The following SH3PXD2A variants were observed in gnomAD, a reference collection of about 807,000 sequenced individuals.
SH3PXD2A encodes SH3 and PX domain-containing protein 2A.
A neutral mutation model predicts 115.2 loss-of-function variants in SH3PXD2A; 32 were observed. The observed-to-expected ratio is 0.28, with a 90% CI of 0.21 to 0.37. SH3PXD2A has a LOEUF of 0.37. Ranked by LOEUF, SH3PXD2A falls within the 10% of genes least tolerant of loss-of-function variation. The pLI, the probability that SH3PXD2A is intolerant of heterozygous loss-of-function variation, is 1.00. For synonymous variants in SH3PXD2A, 610 were observed against 629.1 expected, an observed-to-expected ratio of 0.97 and a Z score of 0.45; for missense variants, 1,328 against 1,498.7, an observed-to-expected ratio of 0.89 and a Z score of 1.88.
At chr10:103,761,249 G>C (rs992269809) in intron 3 of SH3PXD2A, among the ~76,000 whole-genome samples, 5 of 152,240 alleles carry the variant, frequency 3.3e-5, no homozygotes, top group African/African-American at 4.8e-5. Context: ...GTTACCATTG[G>C]GGGGAAGTGA....
At chr10:103,789,530 TACACACAC>T (rs72505791) in intron 2 of SH3PXD2A, among the ~76,000 whole-genome samples, 5 of 145,208 alleles carry the variant, frequency 3.4e-5, no homozygotes, top group East Asian at 4.0e-4. Flanking sequence ...TGTGTATACG[TACACACAC>T]ACACACACAC....
At chr10:103,841,053 T>C (rs545473309) in intron 1 of SH3PXD2A, among the ~76,000 whole-genome samples, 2 of 152,312 alleles carry the variant, frequency 1.3e-5, no homozygotes, top group African/African-American at 2.4e-5. Flanking sequence ...ACAATACTGA[T>C]AGGAACATGT....
chr10:103,628,581 C>G (rs2036732412), intron 8 of SH3PXD2A, among the ~76,000 whole-genome samples: 1 of 152,070 alleles, frequency 6.6e-6, no homozygotes, highest in African/African-American at 2.4e-5. Flanking sequence ...GGACAGCCCA[C>G]AGATTCTGTC....
chr10:103,699,921 G>C (rs1341186655), intron 5 of SH3PXD2A, among the ~76,000 whole-genome samples: 1 of 152,236 alleles, frequency 6.6e-6, no homozygotes, highest in Non-Finnish European at 1.5e-5. Context: ...TTCCTGCGGA[G>C]AGAAGGGGTC....
At chr10:103,659,313 T>C (rs566790326) in intron 8 of SH3PXD2A, among the ~76,000 whole-genome samples, 1 of 152,286 alleles carries the variant, frequency 6.6e-6, no homozygotes, top group African/African-American at 2.4e-5. Context: ...TAAACGGCTA[T>C]GGTGTGACAG....
At chr10:103,714,378 C>T (rs2038081075) in intron 5 of SH3PXD2A, among the ~76,000 whole-genome samples, 1 of 152,222 alleles carries the variant, frequency 6.6e-6, no homozygotes, top group Non-Finnish European at 1.5e-5. Flanking sequence ...ACCTTCCTCC[C>T]CACCCTGAAG....
At chr10:103,846,435 CTCTG>C (rs1842849383) in intron 1 of SH3PXD2A, among the ~76,000 whole-genome samples, 1 of 152,234 alleles carries the variant, frequency 6.6e-6, no homozygotes, top group African/African-American at 2.4e-5. Flanking sequence ...CCTGAGTCGA[CTCTG>C]TCTATGAGGC....
At chr10:103,735,680 C>T in intron 4 of SH3PXD2A, 52 bp downstream of exon 4, 1 of 1,384,434 alleles carries the variant, frequency 7.2e-7, no homozygotes, top group East Asian at 2.3e-5. Context: ...GGGCCCCTCT[C>T]CTCCCTGAAG....
chr10:103,718,277 G>A (rs2038131531), intron 5 of SH3PXD2A, among the ~76,000 whole-genome samples: 1 of 151,994 alleles, frequency 6.6e-6, no homozygotes, highest in African/African-American at 2.4e-5. Context: ...TTGACCTCCT[G>A]AAGTGCTGGG....
At chr10:103,646,583 C>T (rs1386275226) in intron 8 of SH3PXD2A, among the ~76,000 whole-genome samples, 1 of 152,196 alleles carries the variant, frequency 6.6e-6, no homozygotes, top group East Asian at 1.9e-4. Context: ...AGAGAGCCAA[C>T]CACCTTGTCC....
chr10:103,826,454 T>G (rs1210694090), intron 1 of SH3PXD2A, among the ~76,000 whole-genome samples: 1 of 152,176 alleles, frequency 6.6e-6, no homozygotes, highest in Non-Finnish European at 1.5e-5. Context: ...CTGCACCTGT[T>G]TACATATTCT....
rs139290796 is a variant in SH3PXD2A at position 103,620,205 on chromosome 10, A to G, written c.802+2265T>C. Among the ~76,000 whole-genome samples, 12 of 152,244 alleles carry G rather than the reference A, an allele frequency of 7.9e-5. No homozygotes were observed. In the East Asian group the frequency reaches 2.1e-3, roughly 27 times the overall value. On this transcript the variant is annotated intron_variant, in intron 10 of 14. Coordinates refer to ENST00000369774, the MANE Select transcript of SH3PXD2A (RefSeq NM_001394015.1). The surrounding 1 kb of genome is among the most constrained non-coding windows in gnomAD (Gnocchi z 5.3). ...TGGGGTTGAGGGAAGGGAGGCTGTG[A>G]GCTCCAGTGGGATCCTCCGGGCTTC...
intron 1 of SH3PXD2A, among the ~76,000 whole-genome samples, chr10:103,835,967 G>A (rs2039535515): frequency 6.6e-6 from 1 of 152,192 alleles, no homozygotes; most frequent in East Asian, 1.9e-4. Context: ...CGAGGAACCA[G>A]CAAAGGATGG....
intron 5 of SH3PXD2A, among the ~76,000 whole-genome samples, chr10:103,713,081 A>G (rs2038064642): frequency 6.6e-6 from 1 of 152,146 alleles, no homozygotes; most frequent in Admixed American, 6.5e-5. Context: ...AATATCCGAT[A>G]TGGCCATGGG....
In SH3PXD2A at chr10:103,597,462, A is replaced by G. The variant is rs539620401; in HGVS notation, c.*4354T>C. On this transcript the variant is annotated 3_prime_UTR_variant, in exon 15 of 15. Coordinates refer to ENST00000369774, the MANE Select transcript of SH3PXD2A (RefSeq NM_001394015.1). ...AGCTGGCTGCACCACAACAGAAATC[A>G]AAACAAGGAACAGCTCCCGAGGGCC... The G allele has an allele frequency of 2.6e-5, 4 of 152,426 alleles. No homozygotes were observed. In the South Asian group the frequency reaches 8.3e-4, roughly 32 times the overall value. 9.4% of individuals were successfully genotyped at this position (152,426 alleles called of 1,614,324 possible). A position where few individuals can be genotyped will look rare whatever the true frequency, so the allele number is the denominator to read the frequency against.
intron 3 of SH3PXD2A, among the ~76,000 whole-genome samples, chr10:103,760,736 G>A (rs10786765): frequency 0.46 from 69,761 of 151,496 alleles, 16,574 homozygotes; most frequent in East Asian, 0.62. Context: ...TTGTTTGTTC[G>A]TTTTAGAGAT....
intron 4 of SH3PXD2A, among the ~76,000 whole-genome samples, chr10:103,725,567 C>T (rs1482328609): frequency 2.6e-5 from 4 of 152,138 alleles, no homozygotes; most frequent in East Asian, 1.9e-4. Context: ...TGGCTCATGC[C>T]GGTAATCCCA....
intron 1 of SH3PXD2A, among the ~76,000 whole-genome samples, chr10:103,820,733 C>CG (rs1302300364): frequency 2.1e-5 from 3 of 146,240 alleles, no homozygotes; most frequent in South Asian, 2.4e-4. Context: ...AGATAAGGGG[C>CG]GGGGGGGTTG....
Position 103,812,563 on chromosome 10 carries a change from C to T in SH3PXD2A, c.73-11201G>A, listed in dbSNP as rs191210891. ...ATGACTGACCCAGGCCTACTGACCCCGACACACACATCCTGAAAATGTGCC... is the reference window on the plus strand; with the variant it reads ...ATGACTGACCCAGGCCTACTGACCCTGACACACACATCCTGAAAATGTGCC... On this transcript the variant is annotated intron_variant, in intron 1 of 14. Transcript: ENST00000369774. Among the ~76,000 whole-genome samples, 13 of 152,232 alleles carry T rather than the reference C, an allele frequency of 8.5e-5. No homozygotes were observed. The East Asian group carries it at 2.3e-3, about 27-fold the overall frequency.
Sources: allele counts gnomAD v4.1 joint callset (sites outside exome capture counted in the v4.1 genomes callset), GRCh38; gene constraint gnomAD v4.1.1; non-coding constraint Gnocchi (gnomAD v3.1); transcripts MANE v1.5; gene names NCBI Gene and HGNC (gene_info 2026-07-23, HGNC 2026-07-21).